The following ARHGAP20 variants were observed in gnomAD, a reference collection of about 807,000 sequenced individuals.
ARHGAP20 encodes rho GTPase-activating protein 20.
Under a neutral mutation model 73.7 loss-of-function variants are expected in ARHGAP20, and 34 were observed. That is an observed-to-expected ratio of 0.46 (90% CI 0.35 to 0.61). The LOEUF is 0.61. Among genes scored for constraint, ARHGAP20 ranks in the 20% least tolerant of loss-of-function variants. The probability of loss-of-function intolerance (pLI) is 0.00; values close to 1 mark genes in which losing one functional copy is unlikely to be tolerated. For synonymous variants in ARHGAP20, 523 were observed against 518.2 expected, an observed-to-expected ratio of 1.01 and a Z score of -0.13; for missense variants, 1,314 against 1,420.9, an observed-to-expected ratio of 0.92 and a Z score of 1.21.
intron 2 of ARHGAP20, among the ~76,000 whole-genome samples, chr11:110,673,970 G>A (rs142261808): frequency 2.6e-3 from 392 of 149,216 alleles, no homozygotes; most frequent in Non-Finnish European, 4.3e-3. Context: ...ACAGCATTTC[G>A]CTCTGTTGCC....
At chr11:110,699,579 T>G (rs1040142660) in intron 1 of ARHGAP20, among the ~76,000 whole-genome samples, 58 of 152,118 alleles carry the variant, frequency 3.8e-4, no homozygotes, top group Non-Finnish European at 6.9e-4. Context: ...AATCTGGGTG[T>G]TCTGGTGTTA....
intron 11 of ARHGAP20, among the ~76,000 whole-genome samples, chr11:110,588,843 G>A (rs915673647): frequency 6.6e-5 from 10 of 152,084 alleles, no homozygotes; most frequent in Admixed American, 2.0e-4. Flanking sequence ...AGGCCGAGGC[G>A]GGCGGATCAC....
At chr11:110,654,667 G>A (rs1433147555) in intron 2 of ARHGAP20, among the ~76,000 whole-genome samples, 4 of 152,170 alleles carry the variant, frequency 2.6e-5, no homozygotes, top group Admixed American at 6.6e-5. Context: ...TGTGTTGGTA[G>A]AACGAGCAAA....
At chr11:110,649,201 CTTTT>C (rs869156175) in intron 2 of ARHGAP20, among the ~76,000 whole-genome samples, 72 of 87,104 alleles carry the variant, frequency 8.3e-4, no homozygotes, top group African/African-American at 2.3e-3. Context: ...ATTATTAAAC[CTTTT>C]TTTTTTTTTT....
intron 2 of ARHGAP20, among the ~76,000 whole-genome samples, chr11:110,689,119 C>T (rs1328918089): frequency 1.3e-5 from 2 of 151,830 alleles, no homozygotes; most frequent in East Asian, 3.9e-4. Context: ...CTGCCTCAGC[C>T]TCTAGAGTAG....
At chr11:110,693,091 T>TG (rs1191278202) in intron 1 of ARHGAP20, among the ~76,000 whole-genome samples, 1 of 151,936 alleles carries the variant, frequency 6.6e-6, no homozygotes, top group Non-Finnish European at 1.5e-5. Context: ...GCTTTTGAAA[T>TG]GGGTGTTTTT....
intron 7 of ARHGAP20, among the ~76,000 whole-genome samples, chr11:110,610,465 T>G (rs1410400763): frequency 6.6e-6 from 1 of 152,192 alleles, no homozygotes; most frequent in African/African-American, 2.4e-5. Context: ...TGTACTTTCA[T>G]ATTTACAGAG....
At chr11:110,643,332 T>C (rs1011314046) in intron 2 of ARHGAP20, among the ~76,000 whole-genome samples, 15 of 152,110 alleles carry the variant, frequency 9.9e-5, no homozygotes, top group African/African-American at 3.6e-4. Context: ...TTTGTTCTTG[T>C]TATTCTAGTT....
chr11:110,667,846 A>G (rs1227539873), intron 2 of ARHGAP20, among the ~76,000 whole-genome samples: 1 of 152,248 alleles, frequency 6.6e-6, no homozygotes, highest in Non-Finnish European at 1.5e-5. Context: ...AATGTGGTAG[A>G]AACAGCAAGA....
At chr11:110,651,586 T>C (rs533856806) in intron 2 of ARHGAP20, among the ~76,000 whole-genome samples, 42 of 152,016 alleles carry the variant, frequency 2.8e-4, no homozygotes, top group African/African-American at 1.0e-3. Context: ...TATCAAAGAA[T>C]ATGATAAACA....
intron 2 of ARHGAP20, among the ~76,000 whole-genome samples, chr11:110,633,252 T>C (rs1331757080): frequency 6.6e-6 from 1 of 152,212 alleles, no homozygotes; most frequent in African/African-American, 2.4e-5. Context: ...ATATGTAAAG[T>C]AAGTTAGTTG....
intron 11 of ARHGAP20, among the ~76,000 whole-genome samples, chr11:110,588,944 C>T (rs564385165): frequency 1.4e-4 from 22 of 152,120 alleles, no homozygotes; most frequent in Non-Finnish European, 2.8e-4. Flanking sequence ...TGGTGTCGGG[C>T]AACTGTAGTC....
intron 2 of ARHGAP20, among the ~76,000 whole-genome samples, chr11:110,675,125 T>C (rs527927519): frequency 2.6e-5 from 4 of 152,370 alleles, no homozygotes; most frequent in South Asian, 4.1e-4. Context: ...GCTTCAGTGA[T>C]GTTCAACTGT....
At chr11:110,612,444 A>C (rs536695651) in intron 6 of ARHGAP20, among the ~76,000 whole-genome samples, 1 of 149,806 alleles carries the variant, frequency 6.7e-6, no homozygotes, top group East Asian at 1.9e-4. Flanking sequence ...AAAACAAAAA[A>C]CAAACAAACA....
chr11:110,626,774 A>T (rs1591326004), intron 3 of ARHGAP20, among the ~76,000 whole-genome samples: 2 of 151,648 alleles, frequency 1.3e-5, no homozygotes, highest in South Asian at 4.2e-4. Flanking sequence ...AGGCTTTCTG[A>T]TGTGGCTATT....
At chr11:110,679,419 C>T (rs1165201699) in intron 2 of ARHGAP20, among the ~76,000 whole-genome samples, 1 of 152,128 alleles carries the variant, frequency 6.6e-6, no homozygotes, top group Non-Finnish European at 1.5e-5. Flanking sequence ...GTTACCAAAA[C>T]GACATGATAA....
intron 2 of ARHGAP20, among the ~76,000 whole-genome samples, chr11:110,632,905 T>C (rs1281862082): frequency 1.3e-5 from 2 of 151,950 alleles, no homozygotes; most frequent in Admixed American, 1.3e-4. Context: ...GTTATGTGTT[T>C]TGGAAAATAT....
chr11:110,608,839 T>C lies in ARHGAP20; in HGVS notation c.775+145A>G, dbSNP rs144690623. On this transcript the variant is annotated intron_variant, in intron 8 of 14. Coordinates refer to ENST00000683387, the MANE Select transcript of ARHGAP20 (RefSeq NM_001384657.1). ...TTATTTGTCTAGCACATAGTAAATC[T>C]TTGATAGATCTTTATTAAATGAACA... The C allele has an allele frequency of 1.4e-3, 865 of 629,038 alleles. 10 individuals carry two copies. The African/African-American group carries it at 0.014, about 10-fold the overall frequency. 39.0% of individuals were successfully genotyped at this position (629,038 alleles called of 1,614,324 possible). A position where few individuals can be genotyped will look rare whatever the true frequency, so the allele number is the denominator to read the frequency against.
Position 110,580,145 on chromosome 11 carries a change from C to G in ARHGAP20, c.2801G>C (p.Ser934Thr). 6.2e-7 allele frequency: 1 copy of G among 1,614,182 alleles called. No individual in the cohort carries two copies. The highest frequency in any genetic ancestry group is 8.5e-7 in the Non-Finnish European group (1 of 1,180,038). Residue 934 changes from serine (S) to threonine (T), a missense_variant, in exon 15 of 15, where the codon AGC becomes ACC. By Grantham distance (58) the Ser-to-Thr change is moderately conservative (BLOSUM62 1). This residue lies in a region of ARHGAP20 where 641 missense variants were observed against 636.9 expected (regional missense o/e 1.01). Transcript: ENST00000683387. ...GCCTGGGGAGGATAAGCTGGAATAG[C>G]TGGTCCTTGGGCAAAGGTTTAATCT... ...PPRLNLCPRT[S>T]YSSLSSPGTS...
Sources: allele counts gnomAD v4.1 joint callset (sites outside exome capture counted in the v4.1 genomes callset), GRCh38; gene constraint gnomAD v4.1.1; regional missense constraint gnomAD v4.1.1; transcripts MANE v1.5; gene names NCBI Gene and HGNC (gene_info 2026-07-23, HGNC 2026-07-21).